The following SMG9 variants were observed in gnomAD, a reference collection of about 807,000 sequenced individuals.
SMG9 encodes nonsense-mediated mRNA decay factor SMG9.
SMG9 carries 55 observed loss-of-function variants against 64.0 expected under a neutral mutation model. The observed-to-expected ratio is 0.86, with a 90% CI of 0.69 to 1.08. The LOEUF (loss-of-function observed/expected upper bound fraction) is 1.08. SMG9 is among the 50% of genes least tolerant of loss of function. SMG9 has a pLI of 0.00. For synonymous variants in SMG9, 244 were observed against 254.8 expected (o/e 0.96, Z 0.41); for missense variants, 554 against 681.3 (o/e 0.81, Z 2.08).
Position 43,733,415 on chromosome 19 carries a change from C to A in SMG9, c.1248G>T (p.Gly416=). ...CAGAGTCCAGGAAGTCAGGTGGAAGCCCCGGGAAGACATTGCATTGTAACA... is the reference window on the plus strand; with the variant it reads ...CAGAGTCCAGGAAGTCAGGTGGAAGACCCGGGAAGACATTGCATTGTAACA... ...LSMLQCNVFP[G]LPPDFLDSEV... is the part of the protein sequence containing the mutation. The change falls in exon 12 of 14, where the codon GGG becomes GGT. Residue 416 remains glycine, a synonymous_variant. Coordinates refer to ENST00000270066, the MANE Select transcript of SMG9 (RefSeq NM_019108.4). 1 of 1,613,978 alleles carries A rather than the reference C, an allele frequency of 6.2e-7. No individual in the cohort carries two copies. Among genetic ancestry groups the A allele is most frequent in the South Asian group, 1.1e-5 (1 of 91,076 alleles).
chr19:43,747,610 G>C, intron 4 of SMG9, 23 bp downstream of exon 4: 1 of 1,614,028 alleles, frequency 6.2e-7, no homozygotes. Flanking sequence ...TTCCCAACCT[G>C]GTACTGCCCA....
At chr19:43,747,122 C>T (rs1411831866) in intron 5 of SMG9, among the ~76,000 whole-genome samples, 1 of 152,070 alleles carries the variant, frequency 6.6e-6, no homozygotes, top group East Asian at 1.9e-4. Flanking sequence ...AGGGTTTCAA[C>T]CAAATAAGAA....
chr19:43,740,040 T>A (rs1968797431), intron 7 of SMG9, 67 bp downstream of exon 7: 2 of 1,134,434 alleles, frequency 1.8e-6, no homozygotes, highest in African/African-American at 1.5e-5. Flanking sequence ...TCTGGCTTAA[T>A]CACATTCCAG....
rs752275843 is a variant in SMG9, at chr19:43,731,665, G to A, written c.1494C>T (p.Tyr498=). The stretch of plus-strand genomic sequence containing the variant: ...TCACCCCATCCCAGATCCGGGCAGC[G>A]TAGTGGAACCTGTGAGGAGGCCAAC... ...TILTEKNWFH[Y]AARIWDGVRK... Residue 498 remains tyrosine, a synonymous_variant, in exon 14 of 14, where the codon TAC becomes TAT. Coordinates refer to ENST00000270066, the MANE Select transcript of SMG9 (RefSeq NM_019108.4). 61 of 1,614,122 alleles carry A rather than the reference G, an allele frequency of 3.8e-5. No individual in the cohort carries two copies. The highest frequency in any genetic ancestry group is 2.5e-4 in the African/African-American group (19 of 74,958).
chr19:43,737,078 AG>A (rs1968693809), intron 9 of SMG9, among the ~76,000 whole-genome samples: 1 of 152,168 alleles, frequency 6.6e-6, no homozygotes, highest in African/African-American at 2.4e-5. Flanking sequence ...GTTCAAAACC[AG>A]CCTAGCCAAC....
rs1968550630 is a variant in SMG9, at chr19:43,733,434, T to C, written c.1229A>G (p.Gln410Arg). ...TGGAAGCCCCGGGAAGACATTGCAT[T>C]GTAACATGGACAGAGTTCCTGGAGG... ...LRYKGTLSML[Q>R]CNVFPGLPPD... Residue 410 changes from glutamine to arginine, a missense_variant, in exon 12 of 14, where the codon CAA (glutamine) becomes CGA (arginine). Coordinates refer to ENST00000270066, the MANE Select transcript of SMG9 (RefSeq NM_019108.4). 2 of 1,613,930 alleles carry C rather than the reference T, an allele frequency of 1.2e-6. No individual in the cohort carries two copies. Among genetic ancestry groups the C allele is most frequent in the African/African-American group, 1.3e-5 (1 of 74,908 alleles).
At chr19:43,733,880 C>T (rs767723217) in intron 10 of SMG9, 147 bp from the exon 11 acceptor site, 4 of 645,466 alleles carry the variant, frequency 6.2e-6, no homozygotes, top group Non-Finnish European at 1.1e-5. Context: ...TAGCACCAGG[C>T]TCTGTGTAGG....
chr19:43,741,256 A>G (rs1359830047), intron 6 of SMG9, among the ~76,000 whole-genome samples: 1 of 152,148 alleles, frequency 6.6e-6, no homozygotes, highest in Non-Finnish European at 1.5e-5. Flanking sequence ...GGGAAATGAC[A>G]ATGCTGAGGG....
chr19:43,747,447 T>C lies in SMG9; in HGVS notation c.583A>G (p.Ile195Val). ...AGGGCAGGACCCCTCGGTACCTCGATGGCACTGTCACACCAATTCATCTGG... is the reference window on the plus strand; with the variant it reads ...AGGGCAGGACCCCTCGGTACCTCGACGGCACTGTCACACCAATTCATCTGG... ...DDQMNWCDSA[I>V]EYLLDQTDVL... The change falls in exon 5 of 14, where the codon ATC becomes GTC. Residue 195 changes from isoleucine (I) to valine (V), a missense_variant. Coordinates refer to ENST00000270066, the MANE Select transcript of SMG9 (RefSeq NM_019108.4). 1 of 1,613,580 alleles carries C rather than the reference T, an allele frequency of 6.2e-7. No homozygotes were observed. The highest frequency in any genetic ancestry group is 8.5e-7 in the Non-Finnish European group (1 of 1,180,024).
At chr19:43,753,204 A>G (rs959752749) in intron 1 of SMG9, among the ~76,000 whole-genome samples, 4 of 152,294 alleles carry the variant, frequency 2.6e-5, no homozygotes, top group African/African-American at 9.6e-5. Context: ...GCCTGTTTAC[A>G]GCTGCTTAGG....
In SMG9 at chr19:43,735,614, C is replaced by CAAAAAA. The variant is rs889721095; in HGVS notation, c.996-1125_996-1120dup. Among the ~76,000 whole-genome samples the CAAAAAA allele has an allele frequency of 1.7e-3, 86 of 51,534 alleles. 4 individuals are homozygous for CAAAAAA. The highest frequency in any genetic ancestry group is 5.0e-3 in the African/African-American group (66 of 13,264). The allele number at this position is 51,534 out of a possible 152,430, so 33.8% of individuals were successfully genotyped here. On this transcript the variant is annotated intron_variant, in intron 9 of 13. Transcript: ENST00000270066. ...TGGGTAACAGAGTGAGACTCTGTCT[C>CAAAAAA]AAAAAAAAAAAAAAAAAAAAAAAAA... is the stretch of plus-strand genomic sequence containing the variant.
At chr19:43,742,816 C>T (rs1269522816) in intron 6 of SMG9, among the ~76,000 whole-genome samples, 2 of 152,114 alleles carry the variant, frequency 1.3e-5, no homozygotes, top group African/African-American at 4.8e-5. Flanking sequence ...GAAGGCCAGG[C>T]ACGGTGGCTC....
At chr19:43,737,512 T>C in intron 9 of SMG9, 85 bp downstream of exon 9, 2 of 1,203,320 alleles carry the variant, frequency 1.7e-6, no homozygotes, top group Non-Finnish European at 2.4e-6. Flanking sequence ...CTGGCTGCTG[T>C]CCCTTGAGTC....
intron 1 of SMG9, among the ~76,000 whole-genome samples, chr19:43,752,472 T>C (rs1969219749): frequency 1.3e-5 from 2 of 152,218 alleles, no homozygotes; most frequent in Admixed American, 1.3e-4. Flanking sequence ...AAATAGAAAG[T>C]TTTATCGGAA....
At chr19:43,741,736 T>C (rs1490054977) in intron 6 of SMG9, among the ~76,000 whole-genome samples, 2 of 152,238 alleles carry the variant, frequency 1.3e-5, no homozygotes, top group African/African-American at 4.8e-5. Flanking sequence ...TTCACTGGAA[T>C]GCTCCTCCCA....
Position 43,740,238 on chromosome 19 carries a change from G to A in SMG9, c.702-20C>T, listed in dbSNP as rs775536953. The A allele has an allele frequency of 3.8e-6, 6 of 1,565,138 alleles. No individual in the cohort carries two copies. Among genetic ancestry groups the A allele is most frequent in the Non-Finnish European group, 4.4e-6 (5 of 1,135,428 alleles). On this transcript the variant is annotated intron_variant, in intron 6 of 13. Coordinates refer to ENST00000270066, the MANE Select transcript of SMG9 (RefSeq NM_019108.4). The stretch of plus-strand genomic sequence containing the variant: ...TAAGTCCTGTGGAGAGGAGCAGGCA[G>A]GGGTGTGTGAGAGCTCTGGTTCTCA...
chr19:43,748,761 T>C (rs1466644797), intron 2 of SMG9: 1 of 520,208 alleles, frequency 1.9e-6, no homozygotes, highest in Non-Finnish European at 3.8e-6. Context: ...ATGAGAGTCT[T>C]GACCCCTAAC....
chr19:43,748,859 CGAAGT>C, intron 2 of SMG9: 1 of 509,508 alleles, frequency 2.0e-6, no homozygotes, highest in Non-Finnish European at 4.0e-6. Flanking sequence ...AACAAAAAGA[CGAAGT>C]GAAAGTGCTT....
At chr19:43,748,866 A>C in intron 2 of SMG9, 1 of 508,552 alleles carries the variant, frequency 2.0e-6, no homozygotes, top group Non-Finnish European at 4.0e-6. Flanking sequence ...AGACGAAGTG[A>C]AAGTGCTTCG....
Sources: allele counts gnomAD v4.1 joint callset (sites outside exome capture counted in the v4.1 genomes callset), GRCh38; gene constraint gnomAD v4.1.1; transcripts MANE v1.5; gene names NCBI Gene and HGNC (gene_info 2026-07-23, HGNC 2026-07-21).